Variants in GRAMD1B observed in about 807,000 individuals in gnomAD.
GRAMD1B encodes the protein protein Aster-B.
In GRAMD1B, 37 loss-of-function variants were observed where a neutral mutation model predicts 99.7. That is an observed-to-expected ratio of 0.37 (90% confidence interval 0.29 to 0.49). The LOEUF (loss-of-function observed/expected upper bound fraction) is 0.49. GRAMD1B is among the 20% of genes least tolerant of loss of function. The probability of loss-of-function intolerance (pLI) is 0.98; values close to 1 mark genes in which losing one functional copy is unlikely to be tolerated. For synonymous variants in GRAMD1B, 427 were observed against 387.6 expected, an observed-to-expected ratio of 1.10 and a Z score of -1.19; for missense variants, 888 against 1,009.2, an observed-to-expected ratio of 0.88 and a Z score of 1.63.
At chr11:123,548,102 T>A (rs1172592068) in intron 2 of GRAMD1B, among the ~76,000 whole-genome samples, 4 of 151,696 alleles carry the variant, frequency 2.6e-5, no homozygotes, top group Admixed American at 2.6e-4. Context: ...TAGGGCCATG[T>A]TATCAATGAC....
intron 17 of GRAMD1B, 29 bp from the exon 18 acceptor site, chr11:123,618,664 A>T (rs759652906): frequency 7.3e-6 from 9 of 1,229,460 alleles, no homozygotes; most frequent in Non-Finnish European, 1.1e-5. Context: ...CTCACTGCTG[A>T]TGTTTTTTTC....
rs1376678946 is a variant in GRAMD1B at position 123,624,858 on chromosome 11, G to T, written c.*2263G>T. On this transcript the variant is annotated 3_prime_UTR_variant, in exon 20 of 20. Coordinates refer to ENST00000635736, the MANE Select transcript of GRAMD1B (RefSeq NM_001387025.1). ...AGTGACAGAGCAGACCTGGCCGCAG[G>T]GAGTTGTTCTGCTTCTGCTTTACCT... 2 of 152,164 alleles carry T rather than the reference G, an allele frequency of 1.3e-5. No homozygotes were observed. The highest frequency in any genetic ancestry group is 4.8e-5 in the African/African-American group (2 of 41,420). The allele number at this position is 152,164 out of a possible 1,614,324, so 9.4% of individuals were successfully genotyped here. A position where few individuals can be genotyped will look rare whatever the true frequency, so the allele number is the denominator to read the frequency against.
intron 2 of GRAMD1B, among the ~76,000 whole-genome samples, chr11:123,513,278 G>A (rs1234951291): frequency 6.6e-6 from 1 of 152,092 alleles, no homozygotes; most frequent in Non-Finnish European, 1.5e-5. Context: ...TTCCCTATTA[G>A]ACTCTTTTCA....
chr11:123,592,948 C>T (rs748799175), intron 4 of GRAMD1B, among the ~76,000 whole-genome samples: 12 of 152,054 alleles, frequency 7.9e-5, no homozygotes, highest in Non-Finnish European at 1.2e-4. Flanking sequence ...TGTAAGCCCT[C>T]GGGTCGGGCG....
chr11:123,384,186 A>G (rs1478787705), intron 1 of GRAMD1B, among the ~76,000 whole-genome samples: 1 of 152,120 alleles, frequency 6.6e-6, no homozygotes, highest in African/African-American at 2.4e-5. Flanking sequence ...TTCATCTTTA[A>G]AAATCAGCAT....
rs182740296 is a variant in GRAMD1B at position 123,492,662 on chromosome 11, T to C, written c.452+11769T>C. ...CAAGAGAGAGGATCATGTAAACTTA[T>C]GGGCAGGTTTGTGTGTTTTTGCTTT... On this transcript the variant is annotated intron_variant, in intron 2 of 19. Coordinates refer to ENST00000635736, the MANE Select transcript of GRAMD1B (RefSeq NM_001387025.1). This position sits in a 1 kb window ranked among gnomAD's most constrained non-coding sequence, Gnocchi z 4.2. 6.6e-6 allele frequency among the ~76,000 whole-genome samples: 1 copy of C among 152,208 alleles called. No individual in the cohort carries two copies. Among genetic ancestry groups the C allele is most frequent in the African/African-American group, 2.4e-5 (1 of 41,512 alleles).
At chr11:123,543,083 T>C (rs1944707473) in intron 2 of GRAMD1B, among the ~76,000 whole-genome samples, 1 of 152,146 alleles carries the variant, frequency 6.6e-6, no homozygotes, top group Non-Finnish European at 1.5e-5. Flanking sequence ...TTTATACCTC[T>C]CGATTTTACT....
In GRAMD1B at chr11:123,510,608, T is replaced by C. The variant is rs1940898719; in HGVS notation, c.452+29715T>C. 6.6e-6 allele frequency among the ~76,000 whole-genome samples: 1 copy of C among 152,106 alleles called. No homozygotes were observed. Among genetic ancestry groups the C allele is most frequent in the Non-Finnish European group, 1.5e-5 (1 of 68,022 alleles). On this transcript the variant is annotated intron_variant, in intron 2 of 19. Coordinates refer to ENST00000635736, the MANE Select transcript of GRAMD1B (RefSeq NM_001387025.1). The surrounding 1 kb of genome is among the most constrained non-coding windows in gnomAD (Gnocchi z 4.3). The stretch of plus-strand genomic sequence containing the variant: ...TGGTTTGTTCTCCGTGGGTGGACGT[T>C]TGTGACTCTGCCTTTTCTCTCTGGA...
At position 123,542,813 on chromosome 11, in the gene GRAMD1B, C is replaced by T. The variant is rs545229797; in HGVS notation, c.453-34554C>T. ...GATTACAGGTGCGTGCCACCATGCC[C>T]GGCTAATTTTTTGTATTTCCAGTAA... is the stretch of plus-strand genomic sequence containing the variant. On this transcript the variant is annotated intron_variant, in intron 2 of 19. Transcript: ENST00000635736. Among the ~76,000 whole-genome samples, 299 of 152,082 alleles carry T rather than the reference C, an allele frequency of 2.0e-3. 2 individuals carry two copies. The highest frequency in any genetic ancestry group is 6.8e-3 in the African/African-American group (282 of 41,504).
At position 123,583,015 on chromosome 11, in the gene GRAMD1B, C is replaced by T. The variant is rs190943873; in HGVS notation, c.664-1297C>T. 1.6e-3 allele frequency among the ~76,000 whole-genome samples: 241 copies of T among 148,508 alleles called. 2 individuals carry two copies. Among genetic ancestry groups the T allele is most frequent in the Non-Finnish European group, 1.8e-3 (118 of 66,966 alleles). On this transcript the variant is annotated intron_variant, in intron 3 of 19. Coordinates refer to ENST00000635736, the MANE Select transcript of GRAMD1B (RefSeq NM_001387025.1). ...GTGTGTGTGCATGCGCAAGTGTGTG[C>T]GTGTGTATGTGTGTGAATGTATGTG...
chr11:123,516,140 AC>A, intron 2 of GRAMD1B, among the ~76,000 whole-genome samples: 1 of 152,134 alleles, frequency 6.6e-6, no homozygotes, highest in East Asian at 1.9e-4. Context: ...CCATGTAAAA[AC>A]CCCATCATGG....
chr11:123,523,920 G>A (rs1942438077), intron 2 of GRAMD1B, among the ~76,000 whole-genome samples: 1 of 152,216 alleles, frequency 6.6e-6, no homozygotes, highest in Non-Finnish European at 1.5e-5. Context: ...GGGTTTGTCT[G>A]GCATGGGGCT....
intron 3 of GRAMD1B, among the ~76,000 whole-genome samples, chr11:123,583,457 AGTAT>A (rs1949691395): frequency 6.6e-6 from 1 of 151,794 alleles, no homozygotes; most frequent in African/African-American, 2.4e-5. Flanking sequence ...TATGTGTATG[AGTAT>A]GTGTGTGTAT....
intron 1 of GRAMD1B, among the ~76,000 whole-genome samples, chr11:123,397,786 G>A (rs138187278): frequency 0.012 from 1,783 of 152,268 alleles, 33 homozygotes; most frequent in African/African-American, 0.041. Flanking sequence ...TGGGATTACA[G>A]GTGTGAGCCA....
chr11:123,410,028 C>T (rs185037217), intron 1 of GRAMD1B, among the ~76,000 whole-genome samples: 2 of 152,192 alleles, frequency 1.3e-5, no homozygotes, highest in South Asian at 2.1e-4. Context: ...CCATCTCTGC[C>T]TTGTGCCTTT....
intron 2 of GRAMD1B, among the ~76,000 whole-genome samples, chr11:123,523,788 CTT>C (rs1482294138): frequency 6.6e-6 from 1 of 152,194 alleles, no homozygotes; most frequent in Non-Finnish European, 1.5e-5. Context: ...AAGGACAACT[CTT>C]TGTACTTCTG....
chr11:123,440,893 A>C (rs760763184), intron 1 of GRAMD1B, among the ~76,000 whole-genome samples: 3 of 152,096 alleles, frequency 2.0e-5, no homozygotes, highest in Non-Finnish European at 2.9e-5. Flanking sequence ...CATGGGGGCA[A>C]GTTTTTCCTG....
Position 123,609,808 on chromosome 11 carries a change from T to C in GRAMD1B, c.1671T>C (p.His557=), listed in dbSNP as rs1413957520. ...CTCTACCCTTAGATATCATCTTCCA[T>C]CCATGGAAAAAGGAGGAGAATGGAA... is the stretch of plus-strand genomic sequence containing the variant. ...EQRRFSDIIF[H]PWKKEENGNQ... Residue 557 remains histidine (H), a synonymous_variant, in exon 13 of 20, where the codon CAT becomes CAC. Transcript: ENST00000635736. 6.3e-7 allele frequency: 1 copy of C among 1,580,370 alleles called. No individual in the cohort carries two copies. Among genetic ancestry groups the C allele is most frequent in the South Asian group, 1.1e-5 (1 of 87,510 alleles).
chr11:123,484,649 T>C (rs1048406070), intron 2 of GRAMD1B, among the ~76,000 whole-genome samples: 3 of 152,108 alleles, frequency 2.0e-5, no homozygotes, highest in African/African-American at 7.2e-5. Context: ...CTTCCTCTGG[T>C]GGTCCCTGTG....
Sources: allele counts gnomAD v4.1 joint callset (sites outside exome capture counted in the v4.1 genomes callset), GRCh38; gene constraint gnomAD v4.1.1; non-coding constraint Gnocchi (gnomAD v3.1); transcripts MANE v1.5; gene names NCBI Gene and HGNC (gene_info 2026-07-23, HGNC 2026-07-21).